NELL2: variants seen among roughly 807,000 people sequenced by gnomAD.
NELL2 encodes the protein protein kinase C-binding protein NELL2.
Under a neutral mutation model 109.6 loss-of-function variants are expected in NELL2, and 41 were observed. The observed-to-expected ratio is 0.37, with a 90% CI of 0.29 to 0.49. The LOEUF (loss-of-function observed/expected upper bound fraction) is 0.49, where lower values mean the gene tolerates loss of function less well. Among genes scored for constraint, NELL2 ranks in the 20% least tolerant of loss-of-function variants. The pLI is 0.98. For synonymous variants in NELL2, 355 were observed against 344.7 expected (o/e 1.03, Z -0.33); for missense variants, 900 against 1,008.3 (o/e 0.89, Z 1.45).
At chr12:44,778,495 G>C (rs1047590790) in intron 5 of NELL2, among the ~76,000 whole-genome samples, 2 of 152,106 alleles carry the variant, frequency 1.3e-5, no homozygotes, top group African/African-American at 4.8e-5. Flanking sequence ...ACAATAAAGA[G>C]AATGACCCCC....
intron 12 of NELL2, among the ~76,000 whole-genome samples, chr12:44,691,467 C>T (rs575959614): frequency 1.1e-4 from 16 of 152,210 alleles, no homozygotes; most frequent in South Asian, 2.1e-4. Context: ...CCTCAGTCCA[C>T]GCTATTCCCT....
At chr12:44,581,073 T>C (rs184144146) in intron 15 of NELL2, among the ~76,000 whole-genome samples, 2 of 152,356 alleles carry the variant, frequency 1.3e-5, no homozygotes. Flanking sequence ...CAGTCACTTA[T>C]GAAAGTGATT....
chr12:44,600,300 C>T (rs1343803111), intron 15 of NELL2, among the ~76,000 whole-genome samples: 2 of 151,512 alleles, frequency 1.3e-5, no homozygotes, highest in Non-Finnish European at 1.5e-5. Context: ...TGAACCACCG[C>T]GCCCGGCCGG....
intron 9 of NELL2, among the ~76,000 whole-genome samples, chr12:44,749,145 T>C (rs1940530796): frequency 6.6e-6 from 1 of 152,132 alleles, no homozygotes; most frequent in Non-Finnish European, 1.5e-5. Context: ...AATGACCCAC[T>C]TGAAGCTGTC....
intron 15 of NELL2, among the ~76,000 whole-genome samples, chr12:44,558,538 G>C (rs1278908491): frequency 6.6e-6 from 1 of 152,160 alleles, no homozygotes; most frequent in African/African-American, 2.4e-5. Context: ...GTCGGCGGGA[G>C]GGGGTGCGTC....
intron 13 of NELL2, among the ~76,000 whole-genome samples, chr12:44,632,681 A>C (rs1439797749): frequency 6.6e-6 from 1 of 152,130 alleles, no homozygotes; most frequent in East Asian, 1.9e-4. Flanking sequence ...AATTAATGGC[A>C]TTGACATATT....
At chr12:44,706,278 A>G (rs1004797531) in intron 11 of NELL2, among the ~76,000 whole-genome samples, 1 of 152,202 alleles carries the variant, frequency 6.6e-6, no homozygotes, top group Non-Finnish European at 1.5e-5. Context: ...TTCTTCCAAC[A>G]GATAAGTTGA....
At chr12:44,555,001 T>A (rs1943190898) in intron 15 of NELL2, among the ~76,000 whole-genome samples, 1 of 152,214 alleles carries the variant, frequency 6.6e-6, no homozygotes, top group African/African-American at 2.4e-5. Context: ...GGGGAAGCCA[T>A]GTGCTGGAGG....
intron 15 of NELL2, among the ~76,000 whole-genome samples, chr12:44,586,205 A>T (rs115056775): frequency 0.04 from 5,937 of 148,296 alleles, 409 homozygotes; most frequent in African/African-American, 0.14. Context: ...ACATATATTT[A>T]TATATATAAT....
intron 12 of NELL2, among the ~76,000 whole-genome samples, chr12:44,687,165 T>A (rs1348660424): frequency 1.3e-5 from 2 of 152,204 alleles, no homozygotes; most frequent in Non-Finnish European, 2.9e-5. Flanking sequence ...GTGACCCGAT[T>A]TTCCAGGTGC....
chr12:44,879,099 G>A (rs1421854495), upstream of NELL2, among the ~76,000 whole-genome samples: 2 of 152,136 alleles, frequency 1.3e-5, no homozygotes, highest in African/African-American at 2.4e-5. Flanking sequence ...AGAAGAACTC[G>A]ACTTCCTGTT....
chr12:44,764,026 G>A (rs1941229761), intron 9 of NELL2, among the ~76,000 whole-genome samples: 1 of 152,086 alleles, frequency 6.6e-6, no homozygotes, highest in African/African-American at 2.4e-5. Context: ...AGCTACTAAA[G>A]GCCTGGGAAA....
chr12:44,771,346 T>TAAA (rs80288426), intron 9 of NELL2, among the ~76,000 whole-genome samples: 188 of 143,980 alleles, frequency 1.3e-3, no homozygotes, highest in African/African-American at 4.5e-3. Flanking sequence ...ATGGTTTTTT[T>TAAA]AAAAAAAAAA....
At chr12:44,540,798 A>AAAAAAAAAAAAAAG (rs1942523762) in intron 15 of NELL2, among the ~76,000 whole-genome samples, 1 of 150,274 alleles carries the variant, frequency 6.7e-6, no homozygotes, top group Non-Finnish European at 1.5e-5. Flanking sequence ...AAAAAAAAAA[A>AAAAAAAAAAAAAAG]GCCCATCCTC....
chr12:44,614,289 T>C (rs541029690), intron 13 of NELL2, among the ~76,000 whole-genome samples: 1 of 152,126 alleles, frequency 6.6e-6, no homozygotes, highest in East Asian at 1.9e-4. Context: ...TTATTCGTTG[T>C]GTCTATGAAT....
At chr12:44,612,702 A>G (rs1354604641) in intron 13 of NELL2, among the ~76,000 whole-genome samples, 1 of 151,920 alleles carries the variant, frequency 6.6e-6, no homozygotes, top group African/African-American at 2.4e-5. Flanking sequence ...CCTGCTGCCA[A>G]TTTCATCCCC....
chr12:44,834,381 G>A (rs1173741787), intron 2 of NELL2, among the ~76,000 whole-genome samples: 2 of 148,478 alleles, frequency 1.3e-5, no homozygotes, highest in African/African-American at 4.9e-5. Flanking sequence ...ATAAAAATGT[G>A]TATATATACA....
chr12:44,741,643 A>G (rs1939971928), intron 9 of NELL2, among the ~76,000 whole-genome samples: 1 of 152,234 alleles, frequency 6.6e-6, no homozygotes, highest in South Asian at 2.1e-4. Flanking sequence ...AAAATGGCAC[A>G]CCAGGAGATT....
At chr12:44,750,039 A>C (rs991903979) in intron 9 of NELL2, among the ~76,000 whole-genome samples, 7 of 152,128 alleles carry the variant, frequency 4.6e-5, no homozygotes, top group African/African-American at 1.7e-4. Flanking sequence ...GAGAGGGAAC[A>C]TATAAAAAGA....
Sources: allele counts gnomAD v4.1 joint callset (sites outside exome capture counted in the v4.1 genomes callset), GRCh38; gene constraint gnomAD v4.1.1; transcripts MANE v1.5; gene names NCBI Gene and HGNC (gene_info 2026-07-23, HGNC 2026-07-21).